PTPRG: variants seen among roughly 807,000 people sequenced by gnomAD.
The protein encoded by PTPRG is protein tyrosine phosphatase receptor type G, also known as receptor-type tyrosine-protein phosphatase gamma.
In PTPRG, 102 loss-of-function variants were observed where a neutral mutation model predicts 165.3. The observed-to-expected ratio is 0.62, with a 90% CI of 0.53 to 0.73. The LOEUF is 0.73. PTPRG is among the 30% of genes least tolerant of loss of function. The pLI is 0.00. For synonymous variants in PTPRG, 675 were observed against 669.5 expected (o/e 1.01, Z -0.13); for missense variants, 1,866 against 1,861.4 (o/e 1.00, Z -0.05).
intron 5 of PTPRG, among the ~76,000 whole-genome samples, chr3:62,080,747 AC>A (rs1422089795): frequency 6.6e-6 from 1 of 152,206 alleles, no homozygotes; most frequent in Non-Finnish European, 1.5e-5. Flanking sequence ...TAAATATAAG[AC>A]CAATTAGAAT....
At chr3:61,757,718 A>C (rs2033678027) in intron 2 of PTPRG, among the ~76,000 whole-genome samples, 1 of 152,252 alleles carries the variant, frequency 6.6e-6, no homozygotes, top group South Asian at 2.1e-4. Context: ...TTATTGTGTC[A>C]ACACAAGGCA....
At chr3:62,166,718 C>A (rs903474730) in intron 7 of PTPRG, among the ~76,000 whole-genome samples, 10 of 152,066 alleles carry the variant, frequency 6.6e-5, no homozygotes, top group African/African-American at 2.2e-4. Flanking sequence ...GAGACAGGGT[C>A]TCACTCTGTC....
At chr3:62,192,856 A>T (rs944393289) in intron 9 of PTPRG, among the ~76,000 whole-genome samples, 6 of 152,218 alleles carry the variant, frequency 3.9e-5, no homozygotes, top group African/African-American at 1.4e-4. Flanking sequence ...AGTAGCACCA[A>T]GTGGGATTCT....
chr3:62,059,495 G>C (rs756389645), intron 4 of PTPRG, among the ~76,000 whole-genome samples: 1 of 152,180 alleles, frequency 6.6e-6, no homozygotes, highest in Non-Finnish European at 1.5e-5. Flanking sequence ...GTTTTAAAGC[G>C]TCATAGAATC....
chr3:61,632,343 A>G (rs190908152), intron 1 of PTPRG, among the ~76,000 whole-genome samples: 83 of 152,222 alleles, frequency 5.5e-4, no homozygotes, highest in Non-Finnish European at 8.8e-4. Context: ...ACACAAATCT[A>G]TAGTCTAGAG....
At chr3:61,593,328 G>T (rs1194983057) in intron 1 of PTPRG, among the ~76,000 whole-genome samples, 3 of 150,948 alleles carry the variant, frequency 2.0e-5, no homozygotes, top group Non-Finnish European at 4.4e-5. Context: ...ATTGCTTTTA[G>T]ATGTTCCTAT....
chr3:61,677,344 T>C (rs1193772550), intron 1 of PTPRG, among the ~76,000 whole-genome samples: 1 of 151,978 alleles, frequency 6.6e-6, no homozygotes, highest in African/African-American at 2.4e-5. Flanking sequence ...AACAACTGAA[T>C]CTTTATGAAG....
chr3:61,759,989 G>A (rs2033780158), intron 2 of PTPRG, among the ~76,000 whole-genome samples: 1 of 152,038 alleles, frequency 6.6e-6, no homozygotes, highest in African/African-American at 2.4e-5. Flanking sequence ...GGCAAGCCAT[G>A]TTAGTTTTCC....
At chr3:61,735,370 CA>C (rs2032678105) in intron 1 of PTPRG, among the ~76,000 whole-genome samples, 1 of 152,098 alleles carries the variant, frequency 6.6e-6, no homozygotes, top group Non-Finnish European at 1.5e-5. Context: ...TTTCTTTCTG[CA>C]ATTGAAGAGA....
intron 3 of PTPRG, among the ~76,000 whole-genome samples, chr3:61,996,384 T>A (rs17065644): frequency 1.3e-5 from 2 of 152,184 alleles, no homozygotes; most frequent in Admixed American, 1.3e-4. Context: ...TATGGGATGA[T>A]GATGGTAGAC....
chr3:62,216,656 A>G (rs112690289), intron 12 of PTPRG, among the ~76,000 whole-genome samples: 17 of 151,452 alleles, frequency 1.1e-4, no homozygotes, highest in African/African-American at 3.6e-4. Context: ...GAGCTCTGCT[A>G]TAAAAGCATT....
chr3:62,064,879 G>A (rs779237129), intron 4 of PTPRG, among the ~76,000 whole-genome samples: 6 of 151,848 alleles, frequency 4.0e-5, no homozygotes, highest in Non-Finnish European at 8.8e-5. Flanking sequence ...TTACAGGCGC[G>A]TGCCACCACG....
At position 62,125,402 on chromosome 3, in the gene PTPRG, C is replaced by T. The variant is rs11916510; in HGVS notation, c.616-7200C>T. On this transcript the variant is annotated intron_variant, in intron 5 of 29. Coordinates refer to ENST00000474889, the MANE Select transcript of PTPRG (RefSeq NM_002841.4). ...CGAGCCTTTTGTAAATGGAGTGCCCCTGAGTAGCTTTTTGCTTCCAGGGAA... is the reference window on the plus strand; with the variant it reads ...CGAGCCTTTTGTAAATGGAGTGCCCTTGAGTAGCTTTTTGCTTCCAGGGAA... Among the ~76,000 whole-genome samples, 529 of 152,276 alleles carry T rather than the reference C, an allele frequency of 3.5e-3. 6 individuals carry two copies. The highest frequency in any genetic ancestry group is 0.012 in the African/African-American group (481 of 41,550).
intron 7 of PTPRG, among the ~76,000 whole-genome samples, chr3:62,165,722 A>G (rs1005206109): frequency 1.3e-5 from 2 of 152,226 alleles, no homozygotes; most frequent in Admixed American, 6.5e-5. Context: ...ATCATTTTAC[A>G]TAAGCTGTGG....
Position 62,295,016 on chromosome 3 carries a change from G to A in PTPRG, c.*1709G>A, listed in dbSNP as rs1251236566. The A allele has an allele frequency of 6.6e-6, 1 of 152,076 alleles. No individual in the cohort carries two copies. Among genetic ancestry groups the A allele is most frequent in the Non-Finnish European group, 1.5e-5 (1 of 68,004 alleles). 9.4% of individuals were successfully genotyped at this position (152,076 alleles called of 1,614,324 possible). On this transcript the variant is annotated 3_prime_UTR_variant, in exon 30 of 30. Transcript: ENST00000474889. ...TTAAAGAATTTGAATGCAAAGGCCA[G>A]GTCAATGGAGTTTTCATAAACTACA...
rs1455736068 is a variant in PTPRG, at chr3:61,892,507, G to A, written c.191-97118G>A. ...TGGGATTACAGGCATGAGCCACCAT[G>A]TGATTTCAATGCTGAAATAGGTACC... On this transcript the variant is annotated intron_variant, in intron 2 of 29. Transcript: ENST00000474889. 2.0e-5 allele frequency among the ~76,000 whole-genome samples: 3 copies of A among 152,176 alleles called. No individual in the cohort carries two copies. The South Asian group carries it at 6.2e-4, about 31-fold the overall frequency.
chr3:62,266,853 C>T (rs181027239), intron 17 of PTPRG, among the ~76,000 whole-genome samples: 3 of 148,844 alleles, frequency 2.0e-5, no homozygotes, highest in Non-Finnish European at 4.5e-5. Flanking sequence ...CACCTACCCC[C>T]AACTTTTGTT....
At chr3:61,855,207 G>T (rs1424469135) in intron 2 of PTPRG, among the ~76,000 whole-genome samples, 1 of 152,164 alleles carries the variant, frequency 6.6e-6, no homozygotes, top group East Asian at 1.9e-4. Flanking sequence ...CCACCTGTAA[G>T]GTAAAAGTAA....
intron 2 of PTPRG, among the ~76,000 whole-genome samples, chr3:61,939,836 A>T (rs2039569726): frequency 1.4e-5 from 2 of 146,628 alleles, no homozygotes; most frequent in South Asian, 2.3e-4. Flanking sequence ...CCCATGTTTG[A>T]TGGAGAAAGA....
Sources: gnomAD v4.1 joint callset for allele counts (sites outside exome capture counted in the v4.1 genomes callset) on GRCh38, gnomAD v4.1.1 for gene constraint, MANE v1.5 for transcripts, NCBI Gene and HGNC (gene_info 2026-07-23, HGNC 2026-07-21) for gene names.